VTI1A: variants seen among roughly 807,000 people sequenced by gnomAD.
The protein encoded by VTI1A is vesicle transport through interaction with t-SNAREs homolog 1A.
VTI1A carries 22 observed loss-of-function variants against 34.9 expected under a neutral mutation model. That is an observed-to-expected ratio of 0.63 (90% CI 0.45 to 0.90). VTI1A has a LOEUF of 0.90. Among genes scored for constraint, VTI1A ranks in the 40% least tolerant of loss-of-function variants. VTI1A has a pLI of 0.00. For missense variants in VTI1A, 268 were observed against 275.6 expected, an observed-to-expected ratio of 0.97 and a Z score of 0.20; for synonymous variants, 87 against 97.3, an observed-to-expected ratio of 0.89 and a Z score of 0.62.
intron 5 of VTI1A, among the ~76,000 whole-genome samples, chr10:112,618,524 T>TATATATAG (rs748276058): frequency 8.7e-5 from 3 of 34,582 alleles, no homozygotes; most frequent in East Asian, 2.8e-3. Flanking sequence ...TATATATATA[T>TATATATAG]AGAGAGAGAG....
chr10:112,477,962 TA>T (rs1443402362), intron 3 of VTI1A, among the ~76,000 whole-genome samples: 14 of 152,194 alleles, frequency 9.2e-5, no homozygotes, highest in African/African-American at 2.9e-4. Flanking sequence ...AGGAGAAAAT[TA>T]CTATCCTCAT....
intron 7 of VTI1A, among the ~76,000 whole-genome samples, chr10:112,749,760 A>C (rs999177930): frequency 6.6e-6 from 1 of 152,214 alleles, no homozygotes; most frequent in Non-Finnish European, 1.5e-5. Flanking sequence ...TAGTTTGAAG[A>C]CTTCAAGAAA....
intron 3 of VTI1A, among the ~76,000 whole-genome samples, chr10:112,478,341 A>T (rs905956453): frequency 2.0e-5 from 3 of 152,190 alleles, no homozygotes; most frequent in African/African-American, 7.2e-5. Flanking sequence ...TGCCCACCTA[A>T]TGGGAAAATG....
chr10:112,675,726 A>T (rs987063970), intron 7 of VTI1A, among the ~76,000 whole-genome samples: 1 of 152,218 alleles, frequency 6.6e-6, no homozygotes, highest in Non-Finnish European at 1.5e-5. Context: ...TCTGAGTCTT[A>T]TCCTTGCTGG....
chr10:112,556,588 G>T (rs563583096), intron 5 of VTI1A, among the ~76,000 whole-genome samples: 9 of 152,030 alleles, frequency 5.9e-5, no homozygotes, highest in African/African-American at 2.2e-4. Context: ...TTTTGGCAAA[G>T]AATTTAAGTT....
At chr10:112,694,647 C>A (rs1261094558) in intron 7 of VTI1A, among the ~76,000 whole-genome samples, 3 of 151,578 alleles carry the variant, frequency 2.0e-5, no homozygotes, top group East Asian at 1.9e-4. Context: ...AAAAAAAAAT[C>A]TTTTTCAATC....
intron 3 of VTI1A, among the ~76,000 whole-genome samples, chr10:112,514,345 T>G (rs981927287): frequency 6.6e-6 from 1 of 151,858 alleles, no homozygotes; most frequent in African/African-American, 2.4e-5. Flanking sequence ...AGTTGTAATG[T>G]CTCCTCTTTC....
chr10:112,599,607 G>A (rs1202489992), intron 5 of VTI1A, among the ~76,000 whole-genome samples: 1 of 152,006 alleles, frequency 6.6e-6, no homozygotes, highest in South Asian at 2.1e-4. Flanking sequence ...TTTAAACAGA[G>A]TCTCACCTGT....
downstream of VTI1A, among the ~76,000 whole-genome samples, chr10:112,821,102 C>T (rs1853643430): frequency 6.6e-6 from 1 of 152,222 alleles, no homozygotes; most frequent in African/African-American, 2.4e-5. Context: ...ACATGAAGAA[C>T]TCAGACATCA....
chr10:112,810,301 G>T (rs1853238325), intron 7 of VTI1A, among the ~76,000 whole-genome samples: 3 of 151,586 alleles, frequency 2.0e-5, no homozygotes, highest in Admixed American at 2.0e-4. Context: ...TACTTGGGAG[G>T]CTGAGGCACG....
chr10:112,709,322 A>T (rs1163214091), intron 7 of VTI1A, among the ~76,000 whole-genome samples: 1 of 152,096 alleles, frequency 6.6e-6, no homozygotes, highest in Non-Finnish European at 1.5e-5. Flanking sequence ...TACAATGAAG[A>T]TTTTTGACCT....
chr10:112,800,779 A>C (rs564149088), intron 7 of VTI1A, among the ~76,000 whole-genome samples: 1 of 152,344 alleles, frequency 6.6e-6, no homozygotes, highest in East Asian at 1.9e-4. Flanking sequence ...ATGAGAGACT[A>C]CATTTCTAAT....
intron 7 of VTI1A, among the ~76,000 whole-genome samples, chr10:112,701,056 TGGACCCTAAAG>T (rs567772674): frequency 4.5e-4 from 68 of 152,378 alleles, no homozygotes; most frequent in African/African-American, 1.6e-3. Context: ...TCTCATTGAC[TGGACCCTAAAG>T]GGTCATTTTT....
intron 7 of VTI1A, among the ~76,000 whole-genome samples, chr10:112,719,744 C>T (rs1849735328): frequency 6.6e-6 from 1 of 152,130 alleles, no homozygotes; most frequent in Non-Finnish European, 1.5e-5. Flanking sequence ...CGGGGTTTCT[C>T]CATGTTGGTC....
chr10:112,731,109 C>T (rs891137359), intron 7 of VTI1A, among the ~76,000 whole-genome samples: 1 of 152,120 alleles, frequency 6.6e-6, no homozygotes, highest in Non-Finnish European at 1.5e-5. Flanking sequence ...GGGTAGCACT[C>T]GTTCAGAACT....
intron 4 of VTI1A, 124 bp from the exon 5 acceptor site, chr10:112,538,122 C>T: frequency 4.2e-6 from 3 of 710,594 alleles, no homozygotes; most frequent in East Asian, 2.7e-5. Flanking sequence ...TAAAAATTAA[C>T]TGTAATGGGT....
chr10:112,550,724 C>T (rs1851318382), intron 5 of VTI1A, among the ~76,000 whole-genome samples: 1 of 151,840 alleles, frequency 6.6e-6, no homozygotes, highest in African/African-American at 2.4e-5. Flanking sequence ...AAGATATAAG[C>T]GTGAAGTCGT....
intron 3 of VTI1A, chr10:112,485,325 G>A (rs1026316869): frequency 1.3e-5 from 2 of 152,086 alleles, no homozygotes; most frequent in African/African-American, 4.8e-5. Flanking sequence ...TGAAGTTTCT[G>A]AAATGGTCCA....
At chr10:112,786,693 T>A (rs2134047616) in intron 7 of VTI1A, among the ~76,000 whole-genome samples, 1 of 152,334 alleles carries the variant, frequency 6.6e-6, no homozygotes, top group Admixed American at 6.5e-5. Flanking sequence ...ATGAAATGAT[T>A]ATGTGATTTT....
Sources: gnomAD v4.1 joint callset for allele counts (sites outside exome capture counted in the v4.1 genomes callset) on GRCh38, gnomAD v4.1.1 for gene constraint, MANE v1.5 for transcripts, NCBI Gene and HGNC (gene_info 2026-07-23, HGNC 2026-07-21) for gene names.